SNX2: variants seen among roughly 807,000 people sequenced by gnomAD.
SNX2 encodes sorting nexin-2.
SNX2 carries 25 observed loss-of-function variants against 69.9 expected under a neutral mutation model. The ratio of observed to expected loss-of-function variants is 0.36; its 90% confidence interval spans 0.26 to 0.50. The LOEUF (loss-of-function observed/expected upper bound fraction) is 0.50, where lower values mean the gene tolerates loss of function less well. Among genes scored for constraint, SNX2 ranks in the 20% least tolerant of loss-of-function variants. The pLI, the probability that SNX2 is intolerant of heterozygous loss-of-function variation, is 0.97. For synonymous variants in SNX2, 229 were observed against 200.4 expected, an observed-to-expected ratio of 1.14 and a Z score of -1.20; for missense variants, 551 against 613.3, an observed-to-expected ratio of 0.90 and a Z score of 1.07.
chr5:122,782,042 C>T (rs181549082), intron 1 of SNX2, among the ~76,000 whole-genome samples: 12 of 152,282 alleles, frequency 7.9e-5, no homozygotes, highest in Non-Finnish European at 1.5e-4. Context: ...TCTGGATCTT[C>T]TCCTCTGCAG....
chr5:122,823,424 A>G (rs1274940372), intron 11 of SNX2, among the ~76,000 whole-genome samples: 1 of 152,204 alleles, frequency 6.6e-6, no homozygotes, highest in African/African-American at 2.4e-5. Flanking sequence ...GTACCACAAT[A>G]AACATGTCCT....
chr5:122,780,867 C>G (rs1752966224), intron 1 of SNX2, among the ~76,000 whole-genome samples: 1 of 152,142 alleles, frequency 6.6e-6, no homozygotes. Flanking sequence ...CACGCACAGC[C>G]TTGTTTTCTT....
At position 122,829,874 on chromosome 5, in the gene SNX2, A is replaced by C; in HGVS notation, c.*226A>C. On this transcript the variant is annotated 3_prime_UTR_variant, in exon 15 of 15. Coordinates refer to ENST00000379516, the MANE Select transcript of SNX2 (RefSeq NM_003100.4). ...TTTGAATTAAGTGGACTGTGGCATG[A>C]CATTCTGCAATACTTTGCTGAATTG... The C allele has an allele frequency of 1.8e-6, 1 of 559,424 alleles. No homozygotes were observed. The highest frequency in any genetic ancestry group is 3.2e-6 in the Non-Finnish European group (1 of 310,516). The allele number at this position is 559,424 out of a possible 1,614,324, so 34.7% of individuals were successfully genotyped here.
intron 7 of SNX2, 47 bp downstream of exon 7, chr5:122,808,402 A>G: frequency 7.6e-7 from 1 of 1,315,332 alleles, no homozygotes; most frequent in Non-Finnish European, 1.1e-6. Flanking sequence ...TTGTACCTTA[A>G]TATAAATGTA....
At chr5:122,821,455 CCTT>C (rs1466037034) in intron 11 of SNX2, among the ~76,000 whole-genome samples, 2 of 138,134 alleles carry the variant, frequency 1.4e-5, no homozygotes, top group Non-Finnish European at 1.6e-5. Flanking sequence ...AAGTAGATGT[CCTT>C]TTTTTTTTTT....
At chr5:122,811,817 C>G (rs1005003876) in intron 7 of SNX2, among the ~76,000 whole-genome samples, 52 of 114,416 alleles carry the variant, frequency 4.5e-4, no homozygotes, top group African/African-American at 1.7e-3. Context: ...CAGAGTGAGA[C>G]TCCGTCTCTA....
At chr5:122,815,847 G>C (rs771254650) in intron 7 of SNX2, 49 bp from the exon 8 acceptor site, 1 of 975,086 alleles carries the variant, frequency 1.0e-6, no homozygotes, top group South Asian at 1.6e-5. Context: ...TTGTTGAACT[G>C]TAATTCAAGA....
chr5:122,792,329 C>T, intron 1 of SNX2, among the ~76,000 whole-genome samples: 1 of 152,232 alleles, frequency 6.6e-6, no homozygotes, highest in Non-Finnish European at 1.5e-5. Context: ...CGCAGTGGCT[C>T]ACGCCTGTAA....
chr5:122,801,734 C>G lies in SNX2; in HGVS notation c.391-135C>G, dbSNP rs555914464. The G allele has an allele frequency of 4.4e-4, 194 of 443,214 alleles. No homozygotes were observed. In the South Asian group the frequency reaches 4.6e-3, roughly 11 times the overall value. 27.5% of individuals were successfully genotyped at this position (443,214 alleles called of 1,614,324 possible). A position where few individuals can be genotyped will look rare whatever the true frequency, so the allele number is the denominator to read the frequency against. ...AAATGTGAAAGTTTTTATTGTTTTT[C>G]AAAAATGAAGTGCTGGGTGGCTAAA... On this transcript the variant is annotated intron_variant, in intron 3 of 14. Coordinates refer to ENST00000379516, the MANE Select transcript of SNX2 (RefSeq NM_003100.4).
intron 2 of SNX2, among the ~76,000 whole-genome samples, chr5:122,795,742 A>G (rs955315806): frequency 2.0e-5 from 3 of 152,218 alleles, no homozygotes; most frequent in Admixed American, 2.0e-4. Context: ...AAATTAAACT[A>G]TGGATTTAAA....
intron 1 of SNX2, among the ~76,000 whole-genome samples, chr5:122,785,336 GGGA>G (rs1753062889): frequency 6.6e-6 from 1 of 151,344 alleles, no homozygotes; most frequent in Admixed American, 6.6e-5. Flanking sequence ...TGTAGAGACA[GGGA>G]GTCACACTAT....
At chr5:122,790,714 A>T (rs766721716) in intron 1 of SNX2, among the ~76,000 whole-genome samples, 2 of 152,190 alleles carry the variant, frequency 1.3e-5, no homozygotes, top group African/African-American at 2.4e-5. Flanking sequence ...AGGGTAGAAG[A>T]TAGGGGAATT....
Position 122,796,664 on chromosome 5 carries a change from TA to T in SNX2, c.226+1285del, listed in dbSNP as rs1259061051. ...TTTCTCTACTTAACAAGTACTAATC[TA>T]AAATTCTGTGTATTCCTTTAATGGT... On this transcript the variant is annotated intron_variant, in intron 2 of 14. Transcript: ENST00000379516. Among the ~76,000 whole-genome samples the T allele has an allele frequency of 8.5e-5, 13 of 152,358 alleles. No homozygotes were observed. The East Asian group carries it at 2.5e-3, about 29-fold the overall frequency.
At chr5:122,796,759 T>C (rs182597162) in intron 2 of SNX2, among the ~76,000 whole-genome samples, 181 of 152,300 alleles carry the variant, frequency 1.2e-3, no homozygotes, top group African/African-American at 4.1e-3. Context: ...TAGTCTCAGA[T>C]TTCTATGTAG....
chr5:122,809,560 T>C (rs910569011), intron 7 of SNX2, among the ~76,000 whole-genome samples: 3 of 152,190 alleles, frequency 2.0e-5, no homozygotes, highest in Non-Finnish European at 2.9e-5. Flanking sequence ...AAGACACAAG[T>C]TGGTAATTAC....
intron 11 of SNX2, among the ~76,000 whole-genome samples, chr5:122,821,356 C>T (rs1339296494): frequency 2.0e-5 from 3 of 152,058 alleles, no homozygotes; most frequent in African/African-American, 7.2e-5. Context: ...CCCTCCCTTC[C>T]TTTCTCAAAA....
At chr5:122,810,398 TTAAA>T (rs1753743674) in intron 7 of SNX2, among the ~76,000 whole-genome samples, 2 of 59,916 alleles carry the variant, frequency 3.3e-5, no homozygotes, top group African/African-American at 1.8e-4. Flanking sequence ...GAATGATCAA[TTAAA>T]AAAAAAAAAA....
intron 1 of SNX2, among the ~76,000 whole-genome samples, chr5:122,788,360 A>C (rs75019556): frequency 4.2e-4 from 64 of 152,276 alleles, no homozygotes; most frequent in African/African-American, 1.5e-3. Context: ...TAGGCATAGT[A>C]TTCTTTGATT....
At chr5:122,802,013 A>T in intron 4 of SNX2, 68 bp from the exon 5 acceptor site, 1 of 1,508,410 alleles carries the variant, frequency 6.6e-7, no homozygotes, top group Non-Finnish European at 9.2e-7. Context: ...TCATACATCA[A>T]TATAGTATTA....
Sources: gnomAD v4.1 joint callset for allele counts (sites outside exome capture counted in the v4.1 genomes callset) on GRCh38, gnomAD v4.1.1 for gene constraint, MANE v1.5 for transcripts, NCBI Gene and HGNC (gene_info 2026-07-23, HGNC 2026-07-21) for gene names.